SLC67A1: variants seen among roughly 807,000 people sequenced by gnomAD.
The protein encoded by SLC67A1 is solute carrier family 67 member 1.
At chr11:2,908,498 G>C in the SLC67A1 span, among the ~76,000 whole-genome samples, 1 of 152,218 alleles carries the variant, frequency 6.6e-6, no homozygotes, top group African/African-American at 2.4e-5. Context: ...TTGGCCCCTG[G>C]TAGGCTCCCG....
chr11:2,914,322 C>T, the SLC67A1 span, among the ~76,000 whole-genome samples: 2 of 152,162 alleles, frequency 1.3e-5, no homozygotes, highest in African/African-American at 2.4e-5. Context: ...TTGAGGGGGG[C>T]TGAGCAGGAG....
At chr11:2,912,580 C>G in the SLC67A1 span, among the ~76,000 whole-genome samples, 1 of 152,154 alleles carries the variant, frequency 6.6e-6, no homozygotes, top group Non-Finnish European at 1.5e-5. Context: ...TCATCCGCAC[C>G]CACCTGGGCA....
the SLC67A1 span, among the ~76,000 whole-genome samples, chr11:2,913,238 C>T: frequency 6.6e-6 from 1 of 152,176 alleles, no homozygotes; most frequent in Non-Finnish European, 1.5e-5. Flanking sequence ...TCGTGTACCT[C>T]GCAGTGCCCA....
At chr11:2,914,796 G>A in the SLC67A1 span, 9 of 985,458 alleles carry the variant, frequency 9.1e-6, no homozygotes, top group East Asian at 9.1e-4. Context: ...GCCAGACCCT[G>A]AGCTGTGACA....
the SLC67A1 span, chr11:2,909,602 T>G: frequency 6.5e-7 from 1 of 1,531,044 alleles, no homozygotes; most frequent in Middle Eastern, 2.0e-4. Flanking sequence ...ATCACGGACC[T>G]GTCGGCACCC....
chr11:2,907,696 G>C, the SLC67A1 span, among the ~76,000 whole-genome samples: 7 of 152,134 alleles, frequency 4.6e-5, no homozygotes, highest in Non-Finnish European at 8.8e-5. This position sits in a 1 kb window ranked among gnomAD's most constrained non-coding sequence, Gnocchi z 6.7. Context: ...GGGGAGGAGC[G>C]GCTGCAGGGG....
chr11:2,924,799 G>A, the SLC67A1 span, among the ~76,000 whole-genome samples: 116 of 152,274 alleles, frequency 7.6e-4, 2 homozygotes, highest in Admixed American at 1.0e-3. This position sits in a 1 kb window ranked among gnomAD's most constrained non-coding sequence, Gnocchi z 8.6. Context: ...AAGGCTGGGC[G>A]GGTGGCAGGG....
chr11:2,918,635 C>T, the SLC67A1 span, among the ~76,000 whole-genome samples: 1 of 152,230 alleles, frequency 6.6e-6, no homozygotes, highest in Non-Finnish European at 1.5e-5. Context: ...CCCTGTCCCA[C>T]CCAGCCCACC....
At chr11:2,918,854 C>G in the SLC67A1 span, 1 of 162,632 alleles carries the variant, frequency 6.1e-6, no homozygotes, top group African/African-American at 2.4e-5. Context: ...TGGGCCACCA[C>G]GCTCAGCTAA....
chr11:2,902,795 G>A, the SLC67A1 span: 1 of 954,962 alleles, frequency 1.0e-6, no homozygotes, highest in Non-Finnish European at 1.2e-6. Context: ...AAGCCCCTTG[G>A]AGCTCTGGCT....
the SLC67A1 span, chr11:2,914,749 G>T: frequency 1.0e-6 from 1 of 985,434 alleles, no homozygotes; most frequent in Non-Finnish European, 1.2e-6. Flanking sequence ...GTACTTCTGG[G>T]ACATCTGGCA....
the SLC67A1 span, chr11:2,919,432 G>T: frequency 6.5e-7 from 1 of 1,549,972 alleles, no homozygotes. Flanking sequence ...AGGGCCTGCT[G>T]GGGGGCACGG....
At chr11:2,900,692 CAAAA>C in the SLC67A1 span, among the ~76,000 whole-genome samples, 852 of 59,638 alleles carry the variant, frequency 0.014, 2 homozygotes, top group Non-Finnish European at 0.02. Context: ...GACTCCGTCT[CAAAA>C]AAAAAAAAAA....
the SLC67A1 span, among the ~76,000 whole-genome samples, chr11:2,923,332 T>TCTAGAGGCCCGGATGTGG: frequency 1.3e-4 from 17 of 134,924 alleles, no homozygotes; most frequent in South Asian, 5.0e-4. The surrounding 1 kb of genome is among the most constrained non-coding windows in gnomAD (Gnocchi z 6.5). Context: ...AGGCAGCAGA[T>TCTAGAGGCCCGGATGTGG]CCAGAAACTC....
the SLC67A1 span, among the ~76,000 whole-genome samples, chr11:2,907,452 G>C: frequency 1.3e-5 from 2 of 152,096 alleles, no homozygotes; most frequent in Non-Finnish European, 2.9e-5. The surrounding 1 kb of genome is among the most constrained non-coding windows in gnomAD (Gnocchi z 6.7). Flanking sequence ...TTTTTACAAC[G>C]TCATCCATCC....
chr11:2,915,453 G>C, the SLC67A1 span, among the ~76,000 whole-genome samples: 3 of 152,178 alleles, frequency 2.0e-5, no homozygotes, highest in Non-Finnish European at 4.4e-5. Flanking sequence ...GCCCTGGCCA[G>C]GGCAGATTTG....
At chr11:2,921,891 T>C in the SLC67A1 span, 1 of 595,076 alleles carries the variant, frequency 1.7e-6, no homozygotes, top group East Asian at 2.8e-5. Flanking sequence ...CCCCGACTCC[T>C]CAGGGATCTC....
At chr11:2,918,184 CCACAGGTCCA>C in the SLC67A1 span, 1 of 941,402 alleles carries the variant, frequency 1.1e-6, no homozygotes. Context: ...GGCCTGTGCC[CCACAGGTCCA>C]CACAGATGTG....
the SLC67A1 span, among the ~76,000 whole-genome samples, chr11:2,901,484 G>A: frequency 6.6e-6 from 1 of 152,254 alleles, no homozygotes; most frequent in Non-Finnish European, 1.5e-5. Context: ...AGGAGGTGGG[G>A]CAGGAGTCCT....
Sources: gnomAD v4.1 joint callset for allele counts (sites outside exome capture counted in the v4.1 genomes callset) on GRCh38, gnomAD v4.1.1 for gene constraint, Gnocchi (gnomAD v3.1) non-coding constraint, MANE v1.5 for transcripts, NCBI Gene and HGNC (gene_info 2026-07-23, HGNC 2026-07-21) for gene names.